The following ADARB2 variants were observed in gnomAD, a reference collection of about 807,000 sequenced individuals.
The protein encoded by ADARB2 is inactive double-stranded RNA-specific editase B2.
A neutral mutation model predicts 62.2 loss-of-function variants in ADARB2; 25 were observed. The ratio of observed to expected loss-of-function variants is 0.40; its 90% CI spans 0.29 to 0.56. ADARB2 has a LOEUF of 0.56. Ranked by LOEUF, ADARB2 falls within the 20% of genes least tolerant of loss-of-function variation. The probability of loss-of-function intolerance (pLI) is 0.43; values close to 1 mark genes in which losing one functional copy is unlikely to be tolerated. For missense variants in ADARB2, 1,071 were observed against 1,077.4 expected (o/e 0.99, Z 0.08); for synonymous variants, 572 against 500.8 (o/e 1.14, Z -1.90).
intron 1 of ADARB2, among the ~76,000 whole-genome samples, chr10:1,396,045 T>C (rs1832610168): frequency 6.6e-6 from 1 of 152,220 alleles, no homozygotes; most frequent in African/African-American, 2.4e-5. Context: ...GGGCCATTTC[T>C]CACCTTTTCT....
intron 3 of ADARB2, among the ~76,000 whole-genome samples, chr10:1,288,983 G>A (rs112984538): frequency 4.3e-4 from 65 of 152,188 alleles, no homozygotes; most frequent in African/African-American, 1.4e-3. Context: ...AGAGGGGGTC[G>A]GACATGCCTC....
intron 3 of ADARB2, among the ~76,000 whole-genome samples, chr10:1,283,653 G>A (rs1007180157): frequency 6.6e-6 from 1 of 152,102 alleles, no homozygotes; most frequent in African/African-American, 2.4e-5. Context: ...AATAACTAGT[G>A]TAGACAGCCT....
chr10:1,592,030 C>A (rs1453329035), intron 1 of ADARB2, among the ~76,000 whole-genome samples: 2 of 152,228 alleles, frequency 1.3e-5, no homozygotes, highest in Non-Finnish European at 2.9e-5. Flanking sequence ...GGTACATGGG[C>A]TTTTTACAAC....
chr10:1,516,762 G>A (rs549931814), intron 1 of ADARB2, among the ~76,000 whole-genome samples: 178 of 152,370 alleles, frequency 1.2e-3, no homozygotes, highest in Non-Finnish European at 2.0e-3. Flanking sequence ...GGGAAAATGA[G>A]TTAAAGTATG....
chr10:1,589,363 G>A (rs1833219798), intron 1 of ADARB2, among the ~76,000 whole-genome samples: 1 of 152,124 alleles, frequency 6.6e-6, no homozygotes, highest in African/African-American at 2.4e-5. Context: ...CCATGGTAGG[G>A]TGTCCACTGT....
intron 1 of ADARB2, among the ~76,000 whole-genome samples, chr10:1,616,927 A>T (rs1278980363): frequency 6.7e-6 from 1 of 149,002 alleles, no homozygotes; most frequent in East Asian, 2.0e-4. Context: ...GCCCGTCCAG[A>T]CACACTCCGC....
chr10:1,733,619 G>A (rs1223562125), intron 1 of ADARB2, among the ~76,000 whole-genome samples: 1 of 151,982 alleles, frequency 6.6e-6, no homozygotes, highest in African/African-American at 2.4e-5. Flanking sequence ...TAATCTACCT[G>A]GTTGAACGGA....
Position 1,261,817 on chromosome 10 carries a change from T to A in ADARB2, c.1192+9138A>T, listed in dbSNP as rs1454122326. On this transcript the variant is annotated intron_variant, in intron 4 of 9. Transcript: ENST00000381312. Reference sequence around the variant, plus strand: ...GTATATACCCAAAGGACTATAAATCTTGCTGCTATAAAGACACATGCACAC... The same window carrying A: ...GTATATACCCAAAGGACTATAAATCATGCTGCTATAAAGACACATGCACAC... Among the ~76,000 whole-genome samples the A allele has an allele frequency of 1.3e-4, 20 of 150,226 alleles. 2 individuals carry two copies. In the South Asian group the frequency reaches 2.3e-3, roughly 17 times the overall value.
chr10:1,715,317 CTATGCCTTT>C (rs1835004473), intron 1 of ADARB2, among the ~76,000 whole-genome samples: 1 of 152,106 alleles, frequency 6.6e-6, no homozygotes. Context: ...AGAACTTTAT[CTATGCCTTT>C]TATGGCAATC....
intron 1 of ADARB2, among the ~76,000 whole-genome samples, chr10:1,682,526 T>C (rs1226424117): frequency 6.6e-6 from 1 of 152,216 alleles, no homozygotes; most frequent in Non-Finnish European, 1.5e-5. Context: ...TCTCTTTGCT[T>C]CATCCCCTCG....
intron 5 of ADARB2, among the ~76,000 whole-genome samples, chr10:1,235,111 C>G (rs1278531035): frequency 6.6e-6 from 1 of 151,842 alleles, no homozygotes; most frequent in East Asian, 1.9e-4. Context: ...TCTGTCTACA[C>G]ACCTGTGATT....
In ADARB2 at chr10:1,475,803, A is replaced by G. The variant is rs1831392030; in HGVS notation, c.101-96643T>C. ...AATGTGGAAATCAATTACCCTTTGC[A>G]TGGAGCCTTATCTCAGGATGCAAAG... On this transcript the variant is annotated intron_variant, in intron 1 of 9. Coordinates refer to ENST00000381312, the MANE Select transcript of ADARB2 (RefSeq NM_018702.4). Among the ~76,000 whole-genome samples, 6 of 152,324 alleles carry G rather than the reference A, an allele frequency of 3.9e-5. No homozygotes were observed. The South Asian group carries it at 1.2e-3, about 32-fold the overall frequency.
intron 4 of ADARB2, among the ~76,000 whole-genome samples, chr10:1,266,520 G>A (rs1473017303): frequency 1.3e-5 from 2 of 150,624 alleles, no homozygotes; most frequent in Non-Finnish European, 3.0e-5. Flanking sequence ...GTGGGGGGGG[G>A]GCCGTGCCCA....
intron 1 of ADARB2, among the ~76,000 whole-genome samples, chr10:1,538,076 T>C (rs1378342913): frequency 1.3e-5 from 2 of 152,224 alleles, no homozygotes; most frequent in Non-Finnish European, 2.9e-5. Flanking sequence ...GTTGGAGTGC[T>C]TCTGAGACAC....
intron 3 of ADARB2, among the ~76,000 whole-genome samples, chr10:1,359,419 C>A (rs866628407): frequency 3.9e-5 from 6 of 152,194 alleles, no homozygotes; most frequent in African/African-American, 1.4e-4. Flanking sequence ...CTGAGAAACA[C>A]CCCCGGGTGC....
chr10:1,470,206 G>C (rs1005286060), intron 1 of ADARB2, among the ~76,000 whole-genome samples: 4 of 151,720 alleles, frequency 2.6e-5, no homozygotes, highest in African/African-American at 4.8e-5. Flanking sequence ...ACCCATTTCT[G>C]CTCAGCTGTA....
chr10:1,228,961 C>A (rs1186463078), intron 6 of ADARB2, among the ~76,000 whole-genome samples: 1 of 152,208 alleles, frequency 6.6e-6, no homozygotes, highest in African/African-American at 2.4e-5. Flanking sequence ...AAACTAGAGT[C>A]TTGGATGCCC....
chr10:1,368,528 C>T (rs565381639), intron 2 of ADARB2, among the ~76,000 whole-genome samples: 117 of 152,266 alleles, frequency 7.7e-4, no homozygotes, highest in Non-Finnish European at 1.4e-3. Flanking sequence ...TCCAGGGCCT[C>T]ATGTCTGCGA....
rs1832736391 is a variant in ADARB2, at chr10:1,409,423, A to G, written c.101-30263T>C. ...CGTGTGGCTTGGCCATCGCTGTGGC[A>G]ACGGATTCTCAGTGGTGCTGAGGCC... On this transcript the variant is annotated intron_variant, in intron 1 of 9. Coordinates refer to ENST00000381312, the MANE Select transcript of ADARB2 (RefSeq NM_018702.4). Among the ~76,000 whole-genome samples, 2 of 152,078 alleles carry G rather than the reference A, an allele frequency of 1.3e-5. 1 individual carries two copies. Among genetic ancestry groups the G allele is most frequent in the African/African-American group, 4.8e-5 (2 of 41,396 alleles).
Sources: gnomAD v4.1 joint callset for allele counts (sites outside exome capture counted in the v4.1 genomes callset) on GRCh38, gnomAD v4.1.1 for gene constraint, MANE v1.5 for transcripts, NCBI Gene and HGNC (gene_info 2026-07-23, HGNC 2026-07-21) for gene names.